Variants in PLEKHG4B observed in about 807,000 individuals in gnomAD.
The protein encoded by PLEKHG4B is pleckstrin homology and RhoGEF domain containing G4B, also known as pleckstrin homology domain-containing family G member 4B.
Under a neutral mutation model 121.3 loss-of-function variants are expected in PLEKHG4B, and 111 were observed. The observed-to-expected ratio is 0.92, with a 90% CI of 0.78 to 1.07. The LOEUF (loss-of-function observed/expected upper bound fraction) is 1.07, where lower values mean the gene tolerates loss of function less well. Among genes scored for constraint, PLEKHG4B ranks in the 50% least tolerant of loss-of-function variants. The pLI, the probability that PLEKHG4B is intolerant of heterozygous loss-of-function variation, is 0.00. For synonymous variants in PLEKHG4B, 738 were observed against 725.0 expected (o/e 1.02, Z -0.29); for missense variants, 1,831 against 1,757.8 (o/e 1.04, Z -0.74).
Position 186,953 on chromosome 5 carries a change from T to A in PLEKHG4B, c.*4630T>A, listed in dbSNP as rs897592596. The A allele has an allele frequency of 1.3e-5, 2 of 152,366 alleles. No homozygotes were observed. Among genetic ancestry groups the A allele is most frequent in the African/African-American group, 4.8e-5 (2 of 41,458 alleles). 9.4% of individuals were successfully genotyped at this position (152,366 alleles called of 1,614,324 possible). A position where few individuals can be genotyped will look rare whatever the true frequency, so the allele number is the denominator to read the frequency against. The stretch of plus-strand genomic sequence containing the variant: ...GGGTGTGTGGCCCCACCATCCTGAA[T>A]GCTCAGGGCTGGTGGTCAGCGAGGT... On this transcript the variant is annotated 3_prime_UTR_variant, in exon 20 of 20. Coordinates refer to ENST00000637938, the MANE Select transcript of PLEKHG4B (RefSeq NM_052909.5).
At chr5:180,074 A>G (rs1017158949) in intron 18 of PLEKHG4B, among the ~76,000 whole-genome samples, 2 of 152,158 alleles carry the variant, frequency 1.3e-5, no homozygotes, top group African/African-American at 4.8e-5. Flanking sequence ...GGTTTTCCTC[A>G]GCCTTTCCTC....
At position 140,421 on chromosome 5, in the gene PLEKHG4B, C is replaced by T; in HGVS notation, c.1182C>T (p.Ala394=). 1 of 1,560,328 alleles carries T rather than the reference C, an allele frequency of 6.4e-7. No homozygotes were observed. Among genetic ancestry groups the T allele is most frequent in the South Asian group, 1.2e-5 (1 of 84,492 alleles). The change falls in exon 3 of 20, where the codon GCC becomes GCT. Residue 394 remains alanine, a synonymous_variant. Coordinates refer to ENST00000637938, the MANE Select transcript of PLEKHG4B (RefSeq NM_052909.5). ...ASRDLGTGAV[A]SGTQEETSGP... ...GGGACCTGGGGACTGGGGCAGTAGC[C>T]AGTGGGACCCAGGAGGAAACCTCTG...
At position 157,820 on chromosome 5, in the gene PLEKHG4B, A is replaced by G. The variant is rs1735840996; in HGVS notation, c.2487+909A>G. 6.6e-6 allele frequency among the ~76,000 whole-genome samples: 1 copy of G among 152,182 alleles called. No individual in the cohort carries two copies. Among genetic ancestry groups the G allele is most frequent in the African/African-American group, 2.4e-5 (1 of 41,426 alleles). On this transcript the variant is annotated intron_variant, in intron 11 of 19. Transcript: ENST00000637938. This position sits in a 1 kb window ranked among gnomAD's most constrained non-coding sequence, Gnocchi z 4.6. ...TTGCTGCGATGAATGTGCGGGTGAA[A>G]GAGCCAGCAGCATGGAGAGGCAGCA...
At chr5:112,079 A>G (rs1196906946) in intron 1 of PLEKHG4B, among the ~76,000 whole-genome samples, 1 of 152,246 alleles carries the variant, frequency 6.6e-6, no homozygotes, top group East Asian at 1.9e-4. Context: ...GACTGTATTT[A>G]GATCATTCCT....
chr5:103,853 T>G (rs1375589260), intron 1 of PLEKHG4B, among the ~76,000 whole-genome samples: 1 of 152,220 alleles, frequency 6.6e-6, no homozygotes, highest in Admixed American at 6.5e-5. Context: ...TTAACTAACT[T>G]CTTTCCTGTC....
chr5:178,992 T>C lies in PLEKHG4B; in HGVS notation c.4403-2522T>C, dbSNP rs959656402. Among the ~76,000 whole-genome samples, 8 of 152,246 alleles carry C rather than the reference T, an allele frequency of 5.3e-5. No homozygotes were observed. The East Asian group carries it at 7.7e-4, about 15-fold the overall frequency. Reference sequence around the variant, plus strand: ...TGTATTTTTAACTTTTATTGTTAATTGCTTTTTGTTCAAATATTTTTGATC... The same window carrying C: ...TGTATTTTTAACTTTTATTGTTAATCGCTTTTTGTTCAAATATTTTTGATC... On this transcript the variant is annotated intron_variant, in intron 18 of 19. Transcript: ENST00000637938.
At chr5:106,154 A>C (rs572530491) in intron 1 of PLEKHG4B, among the ~76,000 whole-genome samples, 1 of 152,334 alleles carries the variant, frequency 6.6e-6, no homozygotes, top group African/African-American at 2.4e-5. Context: ...AGTCTTGCAC[A>C]CTTTTTGTTG....
chr5:165,167 C>T (rs62344142), intron 13 of PLEKHG4B, among the ~76,000 whole-genome samples: 417 of 21,902 alleles, frequency 0.019, 21 homozygotes, highest in African/African-American at 0.025. Flanking sequence ...AATGCTCTGA[C>T]GGGGCGGGGC....
At position 163,033 on chromosome 5, in the gene PLEKHG4B, C is replaced by T. The variant is rs1208390547; in HGVS notation, c.2961C>T (p.His987=). ...GTGCCCAGGAGGCCATGAGGAGGCACCAGAAGCCACCCTCATTCCCCAGCA... is the reference window on the plus strand; with the variant it reads ...GTGCCCAGGAGGCCATGAGGAGGCATCAGAAGCCACCCTCATTCCCCAGCA... ...HERAQEAMRR[H]QKPPSFPSTD... Residue 987 remains histidine (H), a synonymous_variant, in exon 13 of 20, where the codon CAC becomes CAT. Coordinates refer to ENST00000637938, the MANE Select transcript of PLEKHG4B (RefSeq NM_052909.5). 4 of 1,561,192 alleles carry T rather than the reference C, an allele frequency of 2.6e-6. No individual in the cohort carries two copies. The highest frequency in any genetic ancestry group is 1.9e-5 in the Admixed American group (1 of 52,574).
intron 2 of PLEKHG4B, among the ~76,000 whole-genome samples, chr5:124,123 A>C (rs1439710181): frequency 6.6e-5 from 10 of 152,158 alleles, no homozygotes; most frequent in African/African-American, 1.9e-4. Context: ...ATTGTTGATT[A>C]ATTTCCACAA....
chr5:161,000 C>T (rs1357129783), intron 11 of PLEKHG4B, among the ~76,000 whole-genome samples: 1 of 152,222 alleles, frequency 6.6e-6, no homozygotes, highest in Non-Finnish European at 1.5e-5. Context: ...TCGGTACCTT[C>T]TGATGGTCAT....
intron 14 of PLEKHG4B, among the ~76,000 whole-genome samples, chr5:170,343 C>T (rs188360815): frequency 6.6e-6 from 1 of 152,142 alleles, no homozygotes; most frequent in East Asian, 1.9e-4. Context: ...CGCTCTGTTG[C>T]CCAGACTGGA....
At chr5:127,845 G>A (rs1489849478) in intron 2 of PLEKHG4B, among the ~76,000 whole-genome samples, 1 of 152,132 alleles carries the variant, frequency 6.6e-6, no homozygotes, top group East Asian at 1.9e-4. Flanking sequence ...GGTGGTCAGG[G>A]TACAGCTTGG....
At chr5:99,196 A>G (rs1319794550) in intron 1 of PLEKHG4B, among the ~76,000 whole-genome samples, 2 of 125,566 alleles carry the variant, frequency 1.6e-5, no homozygotes, top group Admixed American at 7.7e-5. Context: ...ATATATATAT[A>G]TATATATATA....
rs989923891 is a variant in PLEKHG4B, at chr5:173,003, T to G, written c.4157T>G (p.Leu1386Arg). The G allele has an allele frequency of 6.2e-7, 1 of 1,614,174 alleles. No individual in the cohort carries two copies. The highest frequency in any genetic ancestry group is 1.1e-5 in the South Asian group (1 of 91,080). The change falls in exon 17 of 20, where the codon CTG becomes CGG. Residue 1386 changes from leucine (L) to arginine (R), a missense_variant. Leu to Arg is a moderately radical substitution (Grantham distance 102). Transcript: ENST00000637938. Reference protein sequence around the residue: ...RHVFLFEDLILFSKTQKVEGS... With the variant: ...RHVFLFEDLIRFSKTQKVEGS... ...GTGTTCCTCTTTGAAGACCTCATCC[T>G]GTTTAGCAAGACCCAGAAGGTGGAG... is the stretch of plus-strand genomic sequence containing the variant.
chr5:142,714 A>G (rs1372349123), intron 3 of PLEKHG4B, among the ~76,000 whole-genome samples: 1 of 152,230 alleles, frequency 6.6e-6, no homozygotes, highest in East Asian at 1.9e-4. Flanking sequence ...ATGCACGCGC[A>G]GTCACACACC....
At chr5:170,353 A>T (rs111941111) in intron 14 of PLEKHG4B, among the ~76,000 whole-genome samples, 1 of 151,784 alleles carries the variant, frequency 6.6e-6, no homozygotes, top group African/African-American at 2.4e-5. Flanking sequence ...CCCAGACTGG[A>T]GTGCAGTGGC....
intron 11 of PLEKHG4B, among the ~76,000 whole-genome samples, chr5:158,639 C>T (rs1735883836): frequency 6.7e-6 from 1 of 149,250 alleles, no homozygotes; most frequent in Non-Finnish European, 1.5e-5. Context: ...CCCATCTCCC[C>T]TCCTCCCTCT....
rs372068361 is a variant in PLEKHG4B, at chr5:172,339, C to T, written c.4051-558C>T. ...GTAAATTCCACTAGGGGAGGGACAG[C>T]CTGGTGGGCACGGCGGCTCCATCTC... On this transcript the variant is annotated intron_variant, in intron 16 of 19. Coordinates refer to ENST00000637938, the MANE Select transcript of PLEKHG4B (RefSeq NM_052909.5). 5.9e-5 allele frequency among the ~76,000 whole-genome samples: 9 copies of T among 152,314 alleles called. No homozygotes were observed. The South Asian group carries it at 1.9e-3, about 32-fold the overall frequency.
Sources: gnomAD v4.1 joint callset for allele counts (sites outside exome capture counted in the v4.1 genomes callset) on GRCh38, gnomAD v4.1.1 for gene constraint, Gnocchi (gnomAD v3.1) non-coding constraint, MANE v1.5 for transcripts, NCBI Gene and HGNC (gene_info 2026-07-23, HGNC 2026-07-21) for gene names.